Variants in ZNF451 observed in about 807,000 individuals in gnomAD.
The protein encoded by ZNF451 is E3 SUMO-protein ligase ZNF451.
In ZNF451, 80 loss-of-function variants were observed where a neutral mutation model predicts 107.1. The ratio of observed to expected loss-of-function variants is 0.75; its 90% CI spans 0.62 to 0.90. The LOEUF (loss-of-function observed/expected upper bound fraction) is 0.90. Ranked by LOEUF, ZNF451 falls within the 40% of genes least tolerant of loss-of-function variation. The pLI, the probability that ZNF451 is intolerant of heterozygous loss-of-function variation, is 0.00. For synonymous variants in ZNF451, 362 were observed against 406.5 expected (o/e 0.89, Z 1.32); for missense variants, 1,107 against 1,236.2 (o/e 0.90, Z 1.57).
intron 3 of ZNF451, among the ~76,000 whole-genome samples, chr6:57,123,134 C>T (rs1443406562): frequency 6.6e-6 from 1 of 152,168 alleles, no homozygotes; most frequent in Admixed American, 6.5e-5. Context: ...TGTCACAGCA[C>T]TCCAGGCTGA....
rs1764041365 is a variant in ZNF451 at position 57,169,513 on chromosome 6, C to T, written c.*1044C>T. On this transcript the variant is annotated 3_prime_UTR_variant, in exon 15 of 15. Coordinates refer to ENST00000370706, the MANE Select transcript of ZNF451 (RefSeq NM_001031623.3). ...CTTCATGTTATTTAACCAGAAATGT[C>T]TTATCTCTAAAAATTTTTAGTAGTA... 2 of 152,058 alleles carry T rather than the reference C, an allele frequency of 1.3e-5. No individual in the cohort carries two copies. Among genetic ancestry groups the T allele is most frequent in the African/African-American group, 4.8e-5 (2 of 41,506 alleles). The allele number at this position is 152,058 out of a possible 1,614,324, so 9.4% of individuals were successfully genotyped here.
At chr6:57,103,226 A>C (rs1562591085) in intron 3 of ZNF451, 1 of 985,348 alleles carries the variant, frequency 1.0e-6, no homozygotes, top group Non-Finnish European at 1.2e-6. Context: ...GATTTTATTG[A>C]GAATCCTTAA....
chr6:57,141,969 C>G lies in ZNF451; in HGVS notation c.878C>G (p.Pro293Arg). Residue 293 changes from proline (P) to arginine (R), a missense_variant, in exon 9 of 15, where the codon CCA becomes CGA. Transcript: ENST00000370706. ...KLGDNKGIAH[P>R]ISFPSFAKKL... ...TCAGATAACAAAGGAATTGCACATC[C>G]AATATCTTTCCCATCTTTTGCAAAG... The G allele has an allele frequency of 6.2e-7, 1 of 1,613,812 alleles. No individual in the cohort carries two copies. Among genetic ancestry groups the G allele is most frequent in the Non-Finnish European group, 8.5e-7 (1 of 1,179,816 alleles).
chr6:57,164,742 A>G (rs946939608), intron 14 of ZNF451: 10 of 152,140 alleles, frequency 6.6e-5, no homozygotes, highest in African/African-American at 1.2e-4. Flanking sequence ...AACCATTTCT[A>G]TATGTCTTCT....
At chr6:57,102,630 A>G in intron 3 of ZNF451, 3 of 986,226 alleles carry the variant, frequency 3.0e-6, no homozygotes, top group Non-Finnish European at 3.6e-6. Context: ...CAACTCACCA[A>G]GAGTCCGTAC....
intron 12 of ZNF451, among the ~76,000 whole-genome samples, chr6:57,153,647 A>C (rs1832452505): frequency 6.6e-6 from 1 of 152,082 alleles, no homozygotes. Flanking sequence ...TCCTGACCTC[A>C]AGCGATCCAC....
chr6:57,121,656 C>T (rs1830644783), intron 3 of ZNF451, among the ~76,000 whole-genome samples: 1 of 152,030 alleles, frequency 6.6e-6, no homozygotes, highest in Admixed American at 6.6e-5. Flanking sequence ...AATTGAATAC[C>T]TAGGAATACA....
At chr6:57,151,900 G>T (rs988966656) in intron 11 of ZNF451, 2 of 195,514 alleles carry the variant, frequency 1.0e-5, no homozygotes, top group East Asian at 2.6e-4. Flanking sequence ...TTGAACGGTG[G>T]TGACATCTGT....
At position 57,152,352 on chromosome 6, in the gene ZNF451, G is replaced by A. The variant is rs1169272051; in HGVS notation, c.2883+1G>A. On this transcript the variant is annotated splice_donor_variant, in intron 12 of 14. Coordinates refer to ENST00000370706, the MANE Select transcript of ZNF451 (RefSeq NM_001031623.3). LOFTEE classifies it high-confidence loss of function. The stretch of plus-strand genomic sequence containing the variant: ...TGCTGATTTTGCCATATGTATGCAT[G>A]TGAGTCATTGTTTTATTCAAAATCT... 6.2e-7 allele frequency: 1 copy of A among 1,611,208 alleles called. No individual in the cohort carries two copies. Among genetic ancestry groups the A allele is most frequent in the Non-Finnish European group, 8.5e-7 (1 of 1,179,448 alleles).
chr6:57,138,714 T>C (rs1384129615), intron 7 of ZNF451, among the ~76,000 whole-genome samples: 4 of 93,502 alleles, frequency 4.3e-5, no homozygotes, highest in African/African-American at 1.9e-4. Flanking sequence ...CATATATATA[T>C]ATATATATAT....
At chr6:57,107,901 A>G in intron 3 of ZNF451, 2 of 772,676 alleles carry the variant, frequency 2.6e-6, no homozygotes, top group South Asian at 5.9e-5. Context: ...TACAGTGGTG[A>G]GATCACGGCT....
intron 7 of ZNF451, among the ~76,000 whole-genome samples, chr6:57,140,426 C>T (rs539870761): frequency 1.9e-4 from 29 of 151,838 alleles, no homozygotes; most frequent in South Asian, 1.7e-3. Flanking sequence ...ATTTGCCTGA[C>T]AAAAATGAAA....
At chr6:57,141,842 CTTCTT>C in intron 8 of ZNF451, 101 bp from the exon 9 acceptor site, 1 of 968,362 alleles carries the variant, frequency 1.0e-6, no homozygotes, top group Non-Finnish European at 1.5e-6. Flanking sequence ...AAATAACTGT[CTTCTT>C]TTACTTACTC....
At chr6:57,111,421 C>G (rs1351791832) in intron 3 of ZNF451, among the ~76,000 whole-genome samples, 2 of 151,114 alleles carry the variant, frequency 1.3e-5, no homozygotes, top group African/African-American at 4.9e-5. Context: ...CACTCTGTCG[C>G]TGAGGCTAGA....
At chr6:57,095,607 A>G (rs900375265) in intron 2 of ZNF451, among the ~76,000 whole-genome samples, 11 of 152,068 alleles carry the variant, frequency 7.2e-5, no homozygotes, top group Non-Finnish European at 1.2e-4. Context: ...TGCTGGGATT[A>G]TAGGCGTGAT....
chr6:57,147,816 A>G lies in ZNF451; in HGVS notation c.1731A>G (p.Thr577=). ...AAACTTTGCCATCATCCTCTACAACATTGGATAATTTGACTGCTAACAAGC... is the reference window on the plus strand; with the variant it reads ...AAACTTTGCCATCATCCTCTACAACGTTGGATAATTTGACTGCTAACAAGC... ...EGETLPSSST[T]LDNLTANKPS... is the part of the protein sequence containing the mutation. The change falls in exon 10 of 15, where the codon ACA becomes ACG. Residue 577 remains threonine (T), a synonymous_variant. Transcript: ENST00000370706. 5.6e-6 allele frequency: 9 copies of G among 1,614,106 alleles called. No homozygotes were observed. Among genetic ancestry groups the G allele is most frequent in the Non-Finnish European group, 6.8e-6 (8 of 1,179,990 alleles).
chr6:57,166,791 C>T (rs1763918146), intron 14 of ZNF451, among the ~76,000 whole-genome samples: 1 of 152,186 alleles, frequency 6.6e-6, no homozygotes, highest in African/African-American at 2.4e-5. Flanking sequence ...ACCACAAACA[C>T]ATGAGTAATA....
intron 3 of ZNF451, chr6:57,109,678 CAG>C: frequency 3.1e-6 from 3 of 980,872 alleles, no homozygotes; most frequent in Non-Finnish European, 3.6e-6. Context: ...ACAAGCCTAA[CAG>C]TGTACTAAGT....
Position 57,148,238 on chromosome 6 carries a change from A to G in ZNF451, c.2153A>G (p.Asn718Ser), listed in dbSNP as rs1361750339. ...GATTTTCCAGTAATAGAGACCAGTA[A>G]CCAGTTAACTTGTGGTTGCCGTGAG... ...EDDFPVIETS[N>S]QLTCGCRESY... The change falls in exon 10 of 15, where the codon AAC becomes AGC. Residue 718 changes from asparagine to serine, a missense_variant. By Grantham distance (46) the Asn-to-Ser change is conservative. This residue lies in a region of ZNF451 where 608 missense variants were observed against 649.2 expected (regional missense o/e 0.94). Coordinates refer to ENST00000370706, the MANE Select transcript of ZNF451 (RefSeq NM_001031623.3). The G allele has an allele frequency of 3.7e-6, 6 of 1,613,888 alleles. No homozygotes were observed. Among genetic ancestry groups the G allele is most frequent in the African/African-American group, 1.3e-5 (1 of 74,924 alleles).
Sources: allele counts gnomAD v4.1 joint callset (sites outside exome capture counted in the v4.1 genomes callset), GRCh38; gene constraint gnomAD v4.1.1; regional missense constraint gnomAD v4.1.1; transcripts MANE v1.5; gene names NCBI Gene and HGNC (gene_info 2026-07-23, HGNC 2026-07-21).